Variants in MYO16 observed in about 807,000 individuals in gnomAD.
MYO16 encodes myosin XVI, also known as unconventional myosin-XVI.
In MYO16, 94 loss-of-function variants were observed where a neutral mutation model predicts 205.3. The observed-to-expected ratio is 0.46, with a 90% CI of 0.39 to 0.54. The LOEUF (loss-of-function observed/expected upper bound fraction) is 0.54. MYO16 is among the 20% of genes least tolerant of loss of function. The probability of loss-of-function intolerance (pLI) is 0.00; values close to 1 mark genes in which losing one functional copy is unlikely to be tolerated. For missense variants in MYO16, 2,315 were observed against 2,387.5 expected (o/e 0.97, Z 0.63); for synonymous variants, 988 against 954.0 (o/e 1.04, Z -0.66).
intron 27 of MYO16, among the ~76,000 whole-genome samples, chr13:109,072,497 A>G (rs929123041): frequency 6.6e-6 from 1 of 151,916 alleles, no homozygotes; most frequent in South Asian, 2.1e-4. Flanking sequence ...TACAGATTTC[A>G]ACTTATAATT....
upstream of MYO16, among the ~76,000 whole-genome samples, chr13:108,627,346 A>G (rs952673728): frequency 2.6e-5 from 4 of 152,170 alleles, no homozygotes; most frequent in Non-Finnish European, 5.9e-5. Flanking sequence ...GTAGTTTAAG[A>G]AATCTGTGAA....
chr13:108,705,059 G>A (rs914753519), intron 2 of MYO16, among the ~76,000 whole-genome samples: 2 of 142,418 alleles, frequency 1.4e-5, no homozygotes, highest in Non-Finnish European at 3.0e-5. Flanking sequence ...ATGGTTTTAG[G>A]TACCTATGAT....
At chr13:109,197,655 C>G (rs934375766) in intron 34 of MYO16, among the ~76,000 whole-genome samples, 1 of 152,066 alleles carries the variant, frequency 6.6e-6, no homozygotes, top group African/African-American at 2.4e-5. Context: ...ATACATGATA[C>G]TTTTTAAATG....
intron 2 of MYO16, among the ~76,000 whole-genome samples, chr13:108,675,354 T>A (rs1342137502): frequency 6.6e-6 from 1 of 152,204 alleles, no homozygotes; most frequent in Non-Finnish European, 1.5e-5. Context: ...AGGGAACAGC[T>A]GCTAGGTAAT....
chr13:108,722,255 G>T (rs1884191507), intron 3 of MYO16, among the ~76,000 whole-genome samples: 1 of 152,136 alleles, frequency 6.6e-6, no homozygotes, highest in African/African-American at 2.4e-5. Flanking sequence ...GCCATAAAGT[G>T]TCACCAGAAA....
At chr13:108,953,744 T>C (rs553055437) in intron 16 of MYO16, among the ~76,000 whole-genome samples, 12 of 152,276 alleles carry the variant, frequency 7.9e-5, no homozygotes, top group Non-Finnish European at 1.3e-4. Flanking sequence ...AACATGTAGT[T>C]TTTTTAATTC....
chr13:108,574,444 T>C, the MYO16 span, among the ~76,000 whole-genome samples: 2 of 152,148 alleles, frequency 1.3e-5, no homozygotes, highest in Non-Finnish European at 2.9e-5. Flanking sequence ...AATCATGAAA[T>C]AAATTTTAAA....
chr13:109,188,234 C>A (rs9559512), intron 34 of MYO16, among the ~76,000 whole-genome samples: 9,100 of 152,070 alleles, frequency 0.06, 755 homozygotes, highest in East Asian at 0.28. Flanking sequence ...AGATATAATT[C>A]ACATACCACA....
chr13:108,678,580 G>A (rs1260609633), intron 2 of MYO16, among the ~76,000 whole-genome samples: 1 of 152,068 alleles, frequency 6.6e-6, no homozygotes, highest in Non-Finnish European at 1.5e-5. Context: ...TCTCTTTGTT[G>A]CCAGGCTCAG....
rs1566587272 is a variant in MYO16, at chr13:108,752,833, T to TTTTC, written c.507+25250_507+25251insTTTC. ...ATTTTTTTTTTTTTTTTTTTTTTTT[T>TTTTC]AGTAGAGACAGTGTTGGTCTCTACT... On this transcript the variant is annotated intron_variant, in intron 4 of 34. Transcript: ENST00000457511. Among the ~76,000 whole-genome samples, 6 of 139,942 alleles carry TTTTC rather than the reference T, an allele frequency of 4.3e-5. No individual in the cohort carries two copies. In the South Asian group the frequency reaches 6.8e-4, roughly 16 times the overall value. The allele number at this position is 139,942 out of a possible 152,430, so 91.8% of individuals were successfully genotyped here. A position where few individuals can be genotyped will look rare whatever the true frequency, so the allele number is the denominator to read the frequency against.
the MYO16 span, among the ~76,000 whole-genome samples, chr13:108,500,538 T>G: frequency 6.6e-6 from 1 of 152,014 alleles, no homozygotes; most frequent in Non-Finnish European, 1.5e-5. Context: ...TTGATTACTG[T>G]TCGTTGGTTT....
chr13:108,911,194 A>C (rs949766865), intron 16 of MYO16, among the ~76,000 whole-genome samples: 2 of 148,914 alleles, frequency 1.3e-5, no homozygotes, highest in African/African-American at 4.9e-5. Context: ...GAGTACACAC[A>C]TAGGCTGCTT....
chr13:108,723,533 A>G (rs978961356), intron 3 of MYO16, among the ~76,000 whole-genome samples: 3 of 152,278 alleles, frequency 2.0e-5, no homozygotes, highest in Middle Eastern at 3.4e-3. Flanking sequence ...AAGTATTTTT[A>G]TACATGTGTG....
the MYO16 span, among the ~76,000 whole-genome samples, chr13:108,534,887 CCT>C: frequency 6.7e-6 from 1 of 148,960 alleles, no homozygotes; most frequent in Admixed American, 6.7e-5. Context: ...TTCTTCTTCT[CCT>C]CTTTCTTCTT....
chr13:109,023,443 A>C (rs1886193377), intron 23 of MYO16, among the ~76,000 whole-genome samples: 1 of 96,368 alleles, frequency 1.0e-5, no homozygotes, highest in Non-Finnish European at 1.8e-5. Context: ...TATATTATAC[A>C]GATATAAATA....
intron 1 of MYO16, among the ~76,000 whole-genome samples, chr13:108,630,164 A>G (rs897567146): frequency 1.3e-5 from 2 of 152,094 alleles, no homozygotes; most frequent in Non-Finnish European, 1.5e-5. Context: ...AACACCAGAA[A>G]CACATGGAAA....
At chr13:108,751,759 A>C (rs1047683547) in intron 4 of MYO16, among the ~76,000 whole-genome samples, 4 of 152,202 alleles carry the variant, frequency 2.6e-5, no homozygotes, top group Non-Finnish European at 5.9e-5. Context: ...AAAATCACAC[A>C]GGCACAGTCT....
At chr13:108,949,346 G>A (rs959298183) in intron 16 of MYO16, among the ~76,000 whole-genome samples, 1 of 152,150 alleles carries the variant, frequency 6.6e-6, no homozygotes, top group Non-Finnish European at 1.5e-5. Flanking sequence ...CGATTGACAG[G>A]ATATGAGATC....
chr13:108,601,775 G>A (rs1194666322), intron 1 of MYO16, among the ~76,000 whole-genome samples: 1 of 152,060 alleles, frequency 6.6e-6, no homozygotes, highest in Non-Finnish European at 1.5e-5. Flanking sequence ...GAACACTGCT[G>A]AGTGTTTGGT....
Sources: allele counts gnomAD v4.1 joint callset (sites outside exome capture counted in the v4.1 genomes callset), GRCh38; gene constraint gnomAD v4.1.1; transcripts MANE v1.5; gene names NCBI Gene and HGNC (gene_info 2026-07-23, HGNC 2026-07-21).